The following IPO8 variants were observed in gnomAD, a reference collection of about 807,000 sequenced individuals.
IPO8 encodes the protein importin 8.
Under a neutral mutation model 141.2 loss-of-function variants are expected in IPO8, and 65 were observed. The observed-to-expected ratio is 0.46, with a 90% CI of 0.38 to 0.57. IPO8 has a LOEUF of 0.57. Ranked by LOEUF, IPO8 falls within the 20% of genes least tolerant of loss-of-function variation. IPO8 has a pLI of 0.00. For missense variants in IPO8, 980 were observed against 1,246.8 expected, an observed-to-expected ratio of 0.79 and a Z score of 3.22; for synonymous variants, 411 against 420.3, an observed-to-expected ratio of 0.98 and a Z score of 0.27.
At chr12:30,649,081 G>T in intron 20 of IPO8, 56 bp downstream of exon 20, 1 of 1,079,722 alleles carries the variant, frequency 9.3e-7, no homozygotes, top group Non-Finnish European at 1.4e-6. Context: ...AAGTCAAGCA[G>T]GCATGTAAAC....
chr12:30,690,724 T>C (rs1031155100), intron 1 of IPO8, 147 bp from the exon 2 acceptor site: 2 of 515,728 alleles, frequency 3.9e-6, no homozygotes. Context: ...TGAAGATTAC[T>C]AAAATACTTC....
rs144509390 is a variant in IPO8, at chr12:30,666,924, C to T, written c.1145-673G>A. Among the ~76,000 whole-genome samples, 1,421 of 152,244 alleles carry T rather than the reference C, an allele frequency of 9.3e-3. 17 individuals are homozygous for T. The highest frequency in any genetic ancestry group is 0.032 in the African/African-American group (1,350 of 41,548). The stretch of plus-strand genomic sequence containing the variant: ...AGGACCATGCCTGGCTCTGTCGATA[C>T]GTAAGTTCAGCAGGTTTTGTTGAAT... On this transcript the variant is annotated intron_variant, in intron 10 of 24. Transcript: ENST00000256079.
rs2052690281 is a variant in IPO8, at chr12:30,649,208, C to A, written c.2197G>T (p.Asp733Tyr). The A allele has an allele frequency of 1.2e-6, 2 of 1,613,120 alleles. No individual in the cohort carries two copies. The highest frequency in any genetic ancestry group is 8.5e-7 in the Non-Finnish European group (1 of 1,179,288). Residue 733 changes from aspartate to tyrosine, a missense_variant, in exon 20 of 25, where the codon GAT becomes TAT. Asp to Tyr is a radical substitution (Grantham distance 160). This residue lies in a region of IPO8 where 924 missense variants were observed against 1,153.9 expected (regional missense o/e 0.80). Coordinates refer to ENST00000256079, the MANE Select transcript of IPO8 (RefSeq NM_006390.4). ...RKVLCGDAGE[D>Y]AECHAAKLLE... ...AGTTTAGCTGCATGACACTCTGCAT[C>A]TTCTCCTGCATCTCCACATAGTACC... is the stretch of plus-strand genomic sequence containing the variant.
intron 21 of IPO8, 119 bp from the exon 22 acceptor site, chr12:30,637,306 T>C: frequency 9.5e-6 from 7 of 732,998 alleles, no homozygotes; most frequent in South Asian, 1.7e-5. Flanking sequence ...GTTGGTATCA[T>C]ACAGAGACAT....
rs551994651 is a variant in IPO8 at position 30,695,552 on chromosome 12, C to T, written c.84+12G>A. On this transcript the variant is annotated intron_variant, in intron 1 of 24. Transcript: ENST00000256079. This position sits in a 1 kb window ranked among gnomAD's most constrained non-coding sequence, Gnocchi z 4.2. The stretch of plus-strand genomic sequence containing the variant: ...TTCGGCGGAAGAGGGTCGCCGAAGA[C>T]CCTCTCCTCACCTGGTTGAGCTCGT... 4.4e-5 allele frequency: 71 copies of T among 1,612,394 alleles called. 1 individual carries two copies. In the South Asian group the frequency reaches 7.1e-4, roughly 16 times the overall value.
At position 30,695,483 on chromosome 12, in the gene IPO8, G is replaced by C; in HGVS notation, c.84+81C>G. The C allele has an allele frequency of 7.9e-7, 1 of 1,260,610 alleles. No individual in the cohort carries two copies. The highest frequency in any genetic ancestry group is 1.1e-6 in the Non-Finnish European group (1 of 869,786). 78.1% of individuals were successfully genotyped at this position (1,260,610 alleles called of 1,614,324 possible). On this transcript the variant is annotated intron_variant, in intron 1 of 24. Coordinates refer to ENST00000256079, the MANE Select transcript of IPO8 (RefSeq NM_006390.4). The surrounding 1 kb of genome is among the most constrained non-coding windows in gnomAD (Gnocchi z 4.2). ...CCAGCCCGGTGGGGGTGAGGACGAGGGGCGCCGGGGAGAGGGAGCCCGGCC... is the reference window on the plus strand; with the variant it reads ...CCAGCCCGGTGGGGGTGAGGACGAGCGGCGCCGGGGAGAGGGAGCCCGGCC...
In IPO8 at chr12:30,674,763, C is replaced by G; in HGVS notation, c.730-10G>C. The G allele has an allele frequency of 6.4e-7, 1 of 1,551,362 alleles. No individual in the cohort carries two copies. Among genetic ancestry groups the G allele is most frequent in the Non-Finnish European group, 8.9e-7 (1 of 1,123,000 alleles). ...CAATGTGCAGAGTCTCCTAACAGGA[C>G]AAAATTACCCAGATTAAAGTTCTGC... is the stretch of plus-strand genomic sequence containing the variant. On this transcript the variant is annotated splice_polypyrimidine_tract_variant and intron_variant, in intron 6 of 24. Coordinates refer to ENST00000256079, the MANE Select transcript of IPO8 (RefSeq NM_006390.4).
At chr12:30,635,587 T>C (rs934996630) in intron 22 of IPO8, among the ~76,000 whole-genome samples, 2 of 152,084 alleles carry the variant, frequency 1.3e-5, no homozygotes, top group African/African-American at 4.8e-5. Flanking sequence ...AGATTGTAAC[T>C]GAAATACTGG....
rs750059812 is a variant in IPO8 at position 30,681,691 on chromosome 12, T to C, written c.450A>G (p.Leu150=). Residue 150 remains leucine (L), a synonymous_variant, in exon 4 of 25, where the codon TTA becomes TTG. Transcript: ENST00000256079. ...SQSSASWLGS[L]LCLYQLVKTY... ...TCTTCACCAGTTGATACAGGCATAA[T>C]AAACTGCCAAGCCAGCTTGCACTGC... 5 of 1,613,674 alleles carry C rather than the reference T, an allele frequency of 3.1e-6. No homozygotes were observed. In the South Asian group the frequency reaches 4.4e-5, roughly 14 times the overall value.
chr12:30,672,842 A>C (rs1238521596), intron 8 of IPO8, among the ~76,000 whole-genome samples: 1 of 152,174 alleles, frequency 6.6e-6, no homozygotes, highest in Non-Finnish European at 1.5e-5. Flanking sequence ...GTTGCATTGT[A>C]CTTTTTAGAA....
At chr12:30,676,247 T>C (rs1288495420) in intron 6 of IPO8, among the ~76,000 whole-genome samples, 2 of 152,230 alleles carry the variant, frequency 1.3e-5, no homozygotes, top group East Asian at 1.9e-4. Context: ...CTTTTATAAA[T>C]TAAATATGTT....
intron 5 of IPO8, chr12:30,677,037 A>G (rs1352389067): frequency 6.6e-7 from 1 of 1,524,952 alleles, no homozygotes; most frequent in Non-Finnish European, 8.8e-7. Flanking sequence ...AAACAGATAT[A>G]TGGCTCACCT....
intron 3 of IPO8, among the ~76,000 whole-genome samples, chr12:30,682,076 G>A (rs2053194763): frequency 6.6e-6 from 1 of 152,018 alleles, no homozygotes; most frequent in African/African-American, 2.4e-5. Context: ...TAAAAAAATT[G>A]TTTTAAATAG....
intron 14 of IPO8, 151 bp from the exon 15 acceptor site, chr12:30,662,638 C>T (rs1237625378): frequency 4.5e-6 from 3 of 673,892 alleles, no homozygotes; most frequent in African/African-American, 3.6e-5. Context: ...AAAGCTGTAC[C>T]TAAATAATGT....
At chr12:30,657,240 A>C (rs1309148883) in intron 16 of IPO8, among the ~76,000 whole-genome samples, 3 of 152,206 alleles carry the variant, frequency 2.0e-5, no homozygotes, top group Non-Finnish European at 4.4e-5. Flanking sequence ...AAAATTAGTG[A>C]ATTTTTAAAA....
chr12:30,678,049 C>T (rs1046429942), intron 5 of IPO8, among the ~76,000 whole-genome samples: 8 of 150,308 alleles, frequency 5.3e-5, no homozygotes, highest in African/African-American at 1.5e-4. Context: ...TGCTTGAACC[C>T]GGGAGGCGGA....
intron 20 of IPO8, 108 bp from the exon 21 acceptor site, chr12:30,639,843 A>G: frequency 1.4e-6 from 1 of 732,928 alleles, no homozygotes; most frequent in Non-Finnish European, 2.4e-6. Context: ...CTTAATGGCA[A>G]TGAGACTTTT....
At chr12:30,666,281 A>G (rs745481863) in intron 10 of IPO8, 30 bp from the exon 11 acceptor site, 1 of 1,451,932 alleles carries the variant, frequency 6.9e-7, no homozygotes, top group Non-Finnish European at 9.4e-7. Flanking sequence ...AAACCATGTT[A>G]GTGAAAATAT....
intron 5 of IPO8, among the ~76,000 whole-genome samples, chr12:30,677,769 ATAT>A (rs763317258): frequency 1.6e-4 from 24 of 152,338 alleles, no homozygotes; most frequent in African/African-American, 2.6e-4. Context: ...TATAAAGAAA[ATAT>A]TATTGTACAG....
Sources: gnomAD v4.1 joint callset for allele counts (sites outside exome capture counted in the v4.1 genomes callset) on GRCh38, gnomAD v4.1.1 for gene constraint, gnomAD v4.1.1 regional missense constraint, Gnocchi (gnomAD v3.1) non-coding constraint, MANE v1.5 for transcripts, NCBI Gene and HGNC (gene_info 2026-07-23, HGNC 2026-07-21) for gene names.